ZFX: variants seen among roughly 807,000 people sequenced by gnomAD.
ZFX encodes zinc finger protein X-linked, also known as zinc finger X-chromosomal protein.
For synonymous variants in ZFX, 196 were observed against 226.8 expected, an observed-to-expected ratio of 0.86 and a Z score of 1.22; for missense variants, 362 against 628.3, an observed-to-expected ratio of 0.58 and a Z score of 4.53.
rs1938423059 is a variant in ZFX, at chrX:24,215,727, C to T, written c.*4351C>T. 9.1e-6 allele frequency: 1 copy of T among 110,432 alleles called. No homozygotes were observed. The highest frequency in any genetic ancestry group is 3.3e-5 in the African/African-American group (1 of 30,352). The allele number at this position is 110,432 out of a possible 1,213,427, so 9.1% of individuals were successfully genotyped here. A position where few individuals can be genotyped will look rare whatever the true frequency, so the allele number is the denominator to read the frequency against. On this transcript the variant is annotated 3_prime_UTR_variant, in exon 10 of 10. Coordinates refer to ENST00000304543, the MANE Select transcript of ZFX (RefSeq NM_003410.4). ...CAAGTCAACAAGTATGCCTTTAGCG[C>T]ACATGTAAATAGCCTGCACTTCCTA...
At chrX:24,159,078 C>A (rs2147282740) in intron 3 of ZFX, among the ~76,000 whole-genome samples, 1 of 110,557 alleles carries the variant, frequency 9.0e-6, no homozygotes, top group Non-Finnish European at 1.9e-5. Flanking sequence ...GCAGTCTTGA[C>A]CTTCTGGGCT....
intron 3 of ZFX, among the ~76,000 whole-genome samples, chrX:24,160,814 C>G (rs1264891617): frequency 1.8e-5 from 2 of 111,447 alleles, no homozygotes; most frequent in Non-Finnish European, 3.8e-5. Context: ...AACTTATTCC[C>G]CCTATTTAGC....
intron 4 of ZFX, 121 bp downstream of exon 4, chrX:24,172,921 C>A: frequency 1.4e-6 from 1 of 735,993 alleles, no homozygotes; most frequent in Non-Finnish European, 1.9e-6. Context: ...TGTCAAAATT[C>A]ACAGGTGTTA....
intron 4 of ZFX, chrX:24,173,631 G>T: frequency 9.3e-7 from 1 of 1,078,377 alleles, no homozygotes; most frequent in South Asian, 2.0e-5. Flanking sequence ...TGTCACCCAG[G>T]CTGGAGCACA....
intron 5 of ZFX, among the ~76,000 whole-genome samples, chrX:24,201,787 C>G (rs1937314920): frequency 8.9e-6 from 1 of 112,334 alleles, no homozygotes; most frequent in Admixed American, 9.4e-5. Context: ...TTGACTCTTT[C>G]TCCCTACAAA....
At chrX:24,172,896 G>A in intron 4 of ZFX, 96 bp downstream of exon 4, 2 of 862,856 alleles carry the variant, frequency 2.3e-6, no homozygotes, top group Non-Finnish European at 3.2e-6. Context: ...TCATTCACAG[G>A]TTATCTTGTT....
At chrX:24,186,555 C>T (rs140091762) in intron 5 of ZFX, among the ~76,000 whole-genome samples, 140 of 110,538 alleles carry the variant, frequency 1.3e-3, no homozygotes, top group Non-Finnish European at 1.6e-3. Flanking sequence ...CACAGGTGTT[C>T]GAGGTTGCAG....
At chrX:24,175,083 G>A (rs779495014) in intron 4 of ZFX, among the ~76,000 whole-genome samples, 7 of 111,853 alleles carry the variant, frequency 6.3e-5, no homozygotes, top group Non-Finnish European at 1.1e-4. Flanking sequence ...CTTTTAACTC[G>A]TTTGGTAATT....
At chrX:24,151,211 A>C (rs1286265481) in intron 1 of ZFX, among the ~76,000 whole-genome samples, 3 of 112,335 alleles carry the variant, frequency 2.7e-5, no homozygotes. Flanking sequence ...GAAACATTAA[A>C]AAGGTTCTTG....
chrX:24,155,645 G>A (rs765989685), intron 3 of ZFX, among the ~76,000 whole-genome samples: 1 of 112,202 alleles, frequency 8.9e-6, no homozygotes, highest in East Asian at 2.8e-4. Context: ...TGACACTCCC[G>A]CTGTGTTTGA....
chrX:24,194,919 G>C (rs1671906311), intron 5 of ZFX, among the ~76,000 whole-genome samples: 1 of 109,313 alleles, frequency 9.1e-6, no homozygotes, highest in Non-Finnish European at 1.9e-5. Context: ...GCTAATTTTT[G>C]TATTTTTAGT....
chrX:24,190,513 T>C (rs1401040060), intron 5 of ZFX, among the ~76,000 whole-genome samples: 1 of 112,059 alleles, frequency 8.9e-6, no homozygotes, highest in Admixed American at 9.5e-5. Flanking sequence ...TCCCTTCCCC[T>C]GCCAAAAACA....
At chrX:24,163,840 GAAA>G (rs746749182) in intron 3 of ZFX, among the ~76,000 whole-genome samples, 26 of 45,022 alleles carry the variant, frequency 5.8e-4, no homozygotes, top group Non-Finnish European at 9.6e-4. Context: ...TTAAAAAAAA[GAAA>G]AAAAAAAAAA....
intron 4 of ZFX, among the ~76,000 whole-genome samples, chrX:24,174,525 C>T (rs1198268633): frequency 9.3e-6 from 1 of 106,960 alleles, no homozygotes; most frequent in Non-Finnish European, 1.9e-5. Context: ...TCCCGAGTAG[C>T]TGGGACTACA....
At chrX:24,157,711 T>C (rs1007909738) in intron 3 of ZFX, among the ~76,000 whole-genome samples, 2 of 112,039 alleles carry the variant, frequency 1.8e-5, no homozygotes, top group African/African-American at 6.5e-5. Context: ...TGAACAGTTT[T>C]GAGTGGAAGA....
intron 7 of ZFX, among the ~76,000 whole-genome samples, 160 bp from the exon 8 acceptor site, chrX:24,208,058 A>G (rs918244869): frequency 8.8e-6 from 1 of 113,080 alleles, no homozygotes; most frequent in African/African-American, 3.2e-5. Flanking sequence ...GATTCATTCA[A>G]CAAATATGTA....
At chrX:24,154,240 TTTGA>T (rs1368182920) in intron 3 of ZFX, among the ~76,000 whole-genome samples, 2 of 111,998 alleles carry the variant, frequency 1.8e-5, no homozygotes, top group Admixed American at 1.9e-4. Flanking sequence ...TTGCTACATA[TTTGA>T]TTCATATCTT....
chrX:24,150,552 C>T (rs1264316669), intron 1 of ZFX: 1 of 113,147 alleles, frequency 8.8e-6, no homozygotes, highest in Non-Finnish European at 1.9e-5. Context: ...TGAGCTGCCG[C>T]AGGCGGCCAC....
At chrX:24,168,003 T>A (rs1433612996) in intron 3 of ZFX, among the ~76,000 whole-genome samples, 5 of 111,134 alleles carry the variant, frequency 4.5e-5, no homozygotes, top group African/African-American at 1.7e-4. Context: ...ATTTAAGGGC[T>A]GATAGAGTCA....
Sources: allele counts gnomAD v4.1 joint callset (sites outside exome capture counted in the v4.1 genomes callset), GRCh38; gene constraint gnomAD v4.1.1; transcripts MANE v1.5; gene names NCBI Gene and HGNC (gene_info 2026-07-23, HGNC 2026-07-21).